CPNE5: variants seen among roughly 807,000 people sequenced by gnomAD.
The protein encoded by CPNE5 is copine 5.
CPNE5 carries 42 observed loss-of-function variants against 81.1 expected under a neutral mutation model. The ratio of observed to expected loss-of-function variants is 0.52; its 90% CI spans 0.40 to 0.67. The LOEUF is 0.67. Among genes scored for constraint, CPNE5 ranks in the 30% least tolerant of loss-of-function variants. CPNE5 has a pLI of 0.00. For synonymous variants in CPNE5, 313 were observed against 321.5 expected (o/e 0.97, Z 0.28); for missense variants, 612 against 815.5 (o/e 0.75, Z 3.04).
At chr6:36,785,065 C>A (rs1190136258) in intron 8 of CPNE5, among the ~76,000 whole-genome samples, 3 of 152,152 alleles carry the variant, frequency 2.0e-5, no homozygotes, top group Non-Finnish European at 4.4e-5. Context: ...TGTCTTTCAC[C>A]CTATCTTTTT....
At position 36,765,339 on chromosome 6, in the gene CPNE5, C is replaced by A; in HGVS notation, c.775G>T (p.Gly259Cys). Residue 259 changes from glycine (G) to cysteine (C), a missense_variant, in exon 11 of 21, where the codon GGC becomes TGC. Coordinates refer to ENST00000244751, the MANE Select transcript of CPNE5 (RefSeq NM_020939.2). The part of the protein sequence containing the change: ...KVEVYDWDRD[G>C]SHDFIGEFTT... Reference sequence around the variant, plus strand: ...CCTGCCCTCCTGCCTGCTTACCTGCCGTCCCGATCCCAGTCGTACACCTCC... The same window carrying A: ...CCTGCCCTCCTGCCTGCTTACCTGCAGTCCCGATCCCAGTCGTACACCTCC... The A allele has an allele frequency of 6.2e-7, 1 of 1,614,042 alleles. No homozygotes were observed. The highest frequency in any genetic ancestry group is 8.5e-7 in the Non-Finnish European group (1 of 1,179,922).
At chr6:36,774,276 A>G (rs1767302836) in intron 10 of CPNE5, among the ~76,000 whole-genome samples, 2 of 151,990 alleles carry the variant, frequency 1.3e-5, no homozygotes, top group South Asian at 4.1e-4. Flanking sequence ...AACTATATTC[A>G]GGAGGTAGAG....
chr6:36,780,390 G>A lies in CPNE5; in HGVS notation c.529-1433C>T, dbSNP rs73414288. Among the ~76,000 whole-genome samples the A allele has an allele frequency of 3.7e-3, 559 of 152,276 alleles. 6 individuals carry two copies. Among genetic ancestry groups the A allele is most frequent in the African/African-American group, 0.013 (534 of 41,544 alleles). ...GAAGGACTCAGTGACAAGGTTCAGC[G>A]GTGGCTACGGTGGTTAGGAATACGG... On this transcript the variant is annotated intron_variant, in intron 8 of 20. Transcript: ENST00000244751.
At chr6:36,814,749 A>G (rs1029491599) in intron 3 of CPNE5, among the ~76,000 whole-genome samples, 2 of 152,196 alleles carry the variant, frequency 1.3e-5, no homozygotes, top group Non-Finnish European at 2.9e-5. Context: ...GTAAAGGGAC[A>G]GAAAACAGTG....
At chr6:36,777,763 C>G (rs144332307) in intron 9 of CPNE5, among the ~76,000 whole-genome samples, 44,479 of 82,210 alleles carry the variant, frequency 0.54, 8,369 homozygotes, top group East Asian at 0.58. Flanking sequence ...ACCCCCCCCC[C>G]CACCACACAC....
intron 3 of CPNE5, among the ~76,000 whole-genome samples, chr6:36,802,927 G>A (rs917755669): frequency 2.0e-5 from 3 of 151,978 alleles, no homozygotes; most frequent in African/African-American, 7.3e-5. Flanking sequence ...GCTTGATGGC[G>A]CACGCCTATA....
chr6:36,772,673 A>T (rs1464949194), intron 10 of CPNE5, among the ~76,000 whole-genome samples: 1 of 152,162 alleles, frequency 6.6e-6, no homozygotes, highest in Non-Finnish European at 1.5e-5. Flanking sequence ...CCCAGCCAAG[A>T]GGCAGGAAAA....
chr6:36,808,767 T>A (rs924739383), intron 3 of CPNE5, among the ~76,000 whole-genome samples: 2 of 152,206 alleles, frequency 1.3e-5, no homozygotes, highest in East Asian at 1.9e-4. Flanking sequence ...CTAAGTGTTA[T>A]CCATAAGGTC....
chr6:36,746,625 C>A lies in CPNE5; in HGVS notation c.1019-48G>T. 1 of 1,555,518 alleles carries A rather than the reference C, an allele frequency of 6.4e-7. No individual in the cohort carries two copies. The highest frequency in any genetic ancestry group is 1.2e-5 in the South Asian group (1 of 83,224). On this transcript the variant is annotated intron_variant, in intron 15 of 20. Coordinates refer to ENST00000244751, the MANE Select transcript of CPNE5 (RefSeq NM_020939.2). The surrounding 1 kb of genome is among the most constrained non-coding windows in gnomAD (Gnocchi z 4.5). ...CTTTGACCATCTGGACCCTCCAAGT[C>A]ACCCCGGGTTCAGAATGAAGAAGGG...
At chr6:36,839,502 G>T, upstream of CPNE5, 1 of 733,296 alleles carries the variant, frequency 1.4e-6, no homozygotes, top group Non-Finnish European at 2.1e-6. The surrounding 1 kb of genome is among the most constrained non-coding windows in gnomAD (Gnocchi z 7.3). Context: ...GGGGAGGAGA[G>T]AGGAGCGCGA....
chr6:36,788,639 A>G (rs1239015296), intron 8 of CPNE5, among the ~76,000 whole-genome samples: 3 of 147,162 alleles, frequency 2.0e-5, no homozygotes, highest in Non-Finnish European at 4.6e-5. Context: ...ACAGGCAGTA[A>G]CAATCGTTTT....
intron 3 of CPNE5, among the ~76,000 whole-genome samples, chr6:36,805,883 G>A (rs1770548553): frequency 6.6e-6 from 1 of 152,210 alleles, no homozygotes; most frequent in African/African-American, 2.4e-5. Flanking sequence ...CAGTTCCAGT[G>A]AGACCCTCAA....
chr6:36,758,921 G>A (rs1478992909), intron 12 of CPNE5, among the ~76,000 whole-genome samples: 1 of 152,236 alleles, frequency 6.6e-6, no homozygotes, highest in Non-Finnish European at 1.5e-5. Flanking sequence ...GGGTTACCCA[G>A]ATGGTGAGGT....
intron 20 of CPNE5, chr6:36,743,271 G>A (rs1381834576): frequency 1.0e-6 from 1 of 982,692 alleles, no homozygotes; most frequent in Non-Finnish European, 1.2e-6. Context: ...CATTATATTT[G>A]CACCGTTCAT....
At chr6:36,824,783 T>C (rs898974852) in intron 1 of CPNE5, among the ~76,000 whole-genome samples, 1 of 152,032 alleles carries the variant, frequency 6.6e-6, no homozygotes, top group East Asian at 1.9e-4. Context: ...CCATCTCTAC[T>C]AAAAATACAA....
At chr6:36,778,671 C>T (rs986218945) in intron 9 of CPNE5, among the ~76,000 whole-genome samples, 183 bp downstream of exon 9, 1 of 152,206 alleles carries the variant, frequency 6.6e-6, no homozygotes. Flanking sequence ...CTCCCACCGA[C>T]CACACCTAGG....
At chr6:36,794,682 A>G (rs746539637) in intron 6 of CPNE5, 33 bp from the exon 7 acceptor site, 1 of 1,604,568 alleles carries the variant, frequency 6.2e-7, no homozygotes, top group South Asian at 1.1e-5. Flanking sequence ...AGAGCATGCC[A>G]TGAGCTGAGT....
At position 36,798,223 on chromosome 6, in the gene CPNE5, A is replaced by T; in HGVS notation, c.346T>A (p.Phe116Ile). 6.2e-7 allele frequency: 1 copy of T among 1,613,752 alleles called. No homozygotes were observed. The highest frequency in any genetic ancestry group is 1.1e-5 in the South Asian group (1 of 90,968). The part of the protein sequence containing the change: ...LSKHDFLGQA[F>I]CTLGEIVGSP... ...CCCACAATCTCTCCAAGGGTGCAGA[A>T]GGCCTGGCCCAGGAAATCCTGCATA... Residue 116 changes from phenylalanine (F) to isoleucine (I), a missense_variant, in exon 6 of 21, where the codon TTC becomes ATC. Coordinates refer to ENST00000244751, the MANE Select transcript of CPNE5 (RefSeq NM_020939.2).
intron 8 of CPNE5, among the ~76,000 whole-genome samples, chr6:36,780,169 T>G (rs1164120807): frequency 6.6e-6 from 1 of 152,066 alleles, no homozygotes; most frequent in African/African-American, 2.4e-5. Context: ...TTCACTGTGT[T>G]AGCCAAGATG....
Sources: gnomAD v4.1 joint callset for allele counts (sites outside exome capture counted in the v4.1 genomes callset) on GRCh38, gnomAD v4.1.1 for gene constraint, Gnocchi (gnomAD v3.1) non-coding constraint, MANE v1.5 for transcripts, NCBI Gene and HGNC (gene_info 2026-07-23, HGNC 2026-07-21) for gene names.